Variants in ZNF529 observed in about 807,000 individuals in gnomAD.
ZNF529 encodes the protein zinc finger protein 529.
Under a neutral mutation model 10.1 loss-of-function variants are expected in ZNF529, and 11 were observed. The observed-to-expected ratio is 1.09, with a 90% CI of 0.69 to 1.81. The LOEUF (loss-of-function observed/expected upper bound fraction) is 1.81. ZNF529 is among the 40% of genes most tolerant of loss of function. The pLI is 0.00. For synonymous variants in ZNF529, 204 were observed against 215.7 expected (o/e 0.95, Z 0.47); for missense variants, 624 against 666.8 (o/e 0.94, Z 0.71).
At chr19:36,578,291 CTTTTTTTTTTTTT>C (rs1159725232), upstream of ZNF529, among the ~76,000 whole-genome samples, 12 of 31,816 alleles carry the variant, frequency 3.8e-4, no homozygotes, top group East Asian at 2.2e-3. Context: ...GTCTTGATCT[CTTTTTTTTTTTTT>C]TTTTTTTTTT....
In ZNF529 at chr19:36,547,609, T is replaced by C. The variant is rs1271655069; in HGVS notation, c.949A>G (p.Lys317Glu). The change falls in exon 5 of 5, where the codon AAG (lysine) becomes GAG (glutamate). Residue 317 changes from lysine (K) to glutamate (E), a missense_variant. Lys to Glu is a moderately conservative substitution (Grantham distance 56). Transcript: ENST00000591340. ...EKTYKCMECGKDFRFHSQLTE... is the reference protein window; with the variant it reads ...EKTYKCMECGEDFRFHSQLTE... ...AGCTGTGAATGAAATCTGAAGTCCT[T>C]GCCACATTCCATACATTTGTAAGTT... The C allele has an allele frequency of 1.2e-6, 2 of 1,613,802 alleles. No homozygotes were observed. Among genetic ancestry groups the C allele is most frequent in the Non-Finnish European group, 1.7e-6 (2 of 1,179,760 alleles).
intron 4 of ZNF529, among the ~76,000 whole-genome samples, chr19:36,554,360 C>G (rs1200416093): frequency 6.6e-6 from 1 of 152,090 alleles, no homozygotes; most frequent in Non-Finnish European, 1.5e-5. Flanking sequence ...GGGCGAATCA[C>G]AAGGTCAGGA....
chr19:36,560,704 A>T (rs1019208202), intron 2 of ZNF529, among the ~76,000 whole-genome samples: 2 of 152,220 alleles, frequency 1.3e-5, no homozygotes, highest in Non-Finnish European at 2.9e-5. Context: ...GATGAAAGGA[A>T]ATAAGAGTTA....
At chr19:36,580,079 A>G (rs1484468609) in intron 2 of ZNF529, among the ~76,000 whole-genome samples, 1 of 152,182 alleles carries the variant, frequency 6.6e-6, no homozygotes, top group Non-Finnish European at 1.5e-5. Context: ...AAACAAACAC[A>G]CTTTAGCCTG....
chr19:36,569,057 A>G (rs904027877), intron 2 of ZNF529, among the ~76,000 whole-genome samples: 13 of 152,172 alleles, frequency 8.5e-5, no homozygotes, highest in African/African-American at 3.1e-4. Context: ...GAAAGCAGCT[A>G]TGCATATTAG....
At chr19:36,600,510 A>G (rs755593975) in intron 1 of ZNF529, among the ~76,000 whole-genome samples, 39 of 152,288 alleles carry the variant, frequency 2.6e-4, no homozygotes, top group Admixed American at 9.8e-4. Flanking sequence ...CTTATTATCT[A>G]TGTAGTATTA....
intron 1 of ZNF529, among the ~76,000 whole-genome samples, chr19:36,593,000 A>T (rs1443156178): frequency 6.6e-6 from 1 of 152,216 alleles, no homozygotes; most frequent in Non-Finnish European, 1.5e-5. Flanking sequence ...TAGTGATGAA[A>T]TATTAAATAC....
upstream of ZNF529, among the ~76,000 whole-genome samples, chr19:36,578,078 T>TTC (rs2036371186): frequency 3.0e-5 from 2 of 66,738 alleles, no homozygotes; most frequent in African/African-American, 1.6e-4. Context: ...TTTTTTTTTT[T>TTC]TTTGAGACGG....
At chr19:36,553,470 G>C (rs73929006) in intron 4 of ZNF529, among the ~76,000 whole-genome samples, 2 of 151,974 alleles carry the variant, frequency 1.3e-5, no homozygotes, top group East Asian at 3.9e-4. Context: ...GCTTAGGATG[G>C]GGCCAAGTAG....
In ZNF529 at chr19:36,547,305, C is replaced by T; in HGVS notation, c.1253G>A (p.Gly418Asp). The T allele has an allele frequency of 1.2e-6, 2 of 1,613,760 alleles. No homozygotes were observed. The highest frequency in any genetic ancestry group is 1.7e-6 in the Non-Finnish European group (2 of 1,179,874). Residue 418 changes from glycine to aspartate, a missense_variant, in exon 5 of 5, where the codon GGT becomes GAT. Gly to Asp is a moderately conservative substitution (Grantham distance 94). Coordinates refer to ENST00000591340, the MANE Select transcript of ZNF529 (RefSeq NM_020951.5). ...SLTRHQRIHT[G>D]EKPYKCKECE... ...TTCTTTACATTTATAGGGTTTTTCA[C>T]CAGTATGAATCCTCTGATGTCTAGT... is the stretch of plus-strand genomic sequence containing the variant.
At chr19:36,550,005 G>T (rs1259780449) in intron 4 of ZNF529, among the ~76,000 whole-genome samples, 1 of 152,180 alleles carries the variant, frequency 6.6e-6, no homozygotes, top group African/African-American at 2.4e-5. Context: ...AAGATTGGAA[G>T]GCACTTTGTA....
chr19:36,550,662 A>C (rs2145793449), intron 4 of ZNF529, among the ~76,000 whole-genome samples: 1 of 152,340 alleles, frequency 6.6e-6, no homozygotes, highest in East Asian at 1.9e-4. Flanking sequence ...ACATCTATGG[A>C]ACGCAAATAC....
intron 2 of ZNF529, 93 bp downstream of exon 2, chr19:36,572,240 A>C (rs1251646918): frequency 1.3e-5 from 18 of 1,353,342 alleles, no homozygotes; most frequent in Non-Finnish European, 1.0e-6. Context: ...TGGAAAGGCA[A>C]TGGAGGACAA....
chr19:36,562,935 C>A lies in ZNF529; in HGVS notation c.15-6738G>T, dbSNP rs1396379502. On this transcript the variant is annotated intron_variant, in intron 2 of 4. Coordinates refer to ENST00000591340, the MANE Select transcript of ZNF529 (RefSeq NM_020951.5). ...CTTCATAAAAGAGGCTCAATGCAGA[C>A]TTCCTTGTCCTCCCTTTTGCACGTG... 3.4e-4 allele frequency among the ~76,000 whole-genome samples: 51 copies of A among 152,094 alleles called. 1 individual carries two copies. The highest frequency in any genetic ancestry group is 3.3e-3 in the Admixed American group (50 of 15,274).
At chr19:36,566,221 T>C (rs980756252) in intron 2 of ZNF529, among the ~76,000 whole-genome samples, 1 of 152,222 alleles carries the variant, frequency 6.6e-6, no homozygotes, top group Non-Finnish European at 1.5e-5. Flanking sequence ...TAGCAGTCAG[T>C]GAACCTGAAA....
intron 4 of ZNF529, among the ~76,000 whole-genome samples, chr19:36,550,339 T>C (rs1452991342): frequency 6.6e-6 from 1 of 152,134 alleles, no homozygotes; most frequent in Non-Finnish European, 1.5e-5. Context: ...GGTCAGTAGT[T>C]TGAGAACAGC....
chr19:36,548,467 C>G, intron 4 of ZNF529, 145 bp from the exon 5 acceptor site: 1 of 797,744 alleles, frequency 1.3e-6, no homozygotes. Flanking sequence ...AGAGTAACAG[C>G]AGAACATAAA....
intron 1 of ZNF529, among the ~76,000 whole-genome samples, chr19:36,595,639 G>A (rs899626461): frequency 2.3e-5 from 3 of 129,464 alleles, no homozygotes; most frequent in African/African-American, 3.4e-5. Flanking sequence ...TGAGACTGCA[G>A]TGAGCCTCAT....
In ZNF529 at chr19:36,547,708, A is replaced by G; in HGVS notation, c.850T>C (p.Cys284Arg). The G allele has an allele frequency of 1.9e-6, 3 of 1,613,936 alleles. No homozygotes were observed. The highest frequency in any genetic ancestry group is 1.1e-5 in the South Asian group (1 of 91,084). ...RVHDGEKHFE[C>R]SFCGKSFRVH... is the part of the protein sequence containing the mutation. ...CTAAAGGATTTCCCACAGAATGAGC[A>G]TTCAAAGTGTTTCTCACCATCATGA... Residue 284 changes from cysteine to arginine, a missense_variant, in exon 5 of 5, where the codon TGC becomes CGC. By Grantham distance (180) the Cys-to-Arg change is radical. Coordinates refer to ENST00000591340, the MANE Select transcript of ZNF529 (RefSeq NM_020951.5).
Sources: allele counts gnomAD v4.1 joint callset (sites outside exome capture counted in the v4.1 genomes callset), GRCh38; gene constraint gnomAD v4.1.1; transcripts MANE v1.5; gene names NCBI Gene and HGNC (gene_info 2026-07-23, HGNC 2026-07-21).